The following EPB41L1 variants were observed in gnomAD, a reference collection of about 807,000 sequenced individuals.
EPB41L1 encodes the protein band 4.1-like protein 1.
A neutral mutation model predicts 97.8 loss-of-function variants in EPB41L1; 29 were observed. The ratio of observed to expected loss-of-function variants is 0.30; its 90% CI spans 0.22 to 0.40. The LOEUF is 0.40. EPB41L1 is among the 10% of genes least tolerant of loss of function. The probability of loss-of-function intolerance (pLI) is 1.00; values close to 1 mark genes in which losing one functional copy is unlikely to be tolerated. For missense variants in EPB41L1, 812 were observed against 1,162.3 expected, an observed-to-expected ratio of 0.70 and a Z score of 4.38; for synonymous variants, 383 against 459.2, an observed-to-expected ratio of 0.83 and a Z score of 2.12.
Position 36,209,692 on chromosome 20 carries a change from A to G in EPB41L1, c.1873A>G (p.Ile625Val). The part of the protein sequence containing the change: ...SLEAEVDFTV[I>V]GDYHGSAFED... ...GGAGGCTGAGGTGGACTTCACGGTC[A>G]TTGGTGACTACCATGGCAGCGCCTT... The change falls in exon 15 of 22, where the codon ATT (isoleucine) becomes GTT (valine). Residue 625 changes from isoleucine (I) to valine (V), a missense_variant. Transcript: ENST00000338074. The surrounding 1 kb of genome is among the most constrained non-coding windows in gnomAD (Gnocchi z 4.2). 6.6e-7 allele frequency: 1 copy of G among 1,513,558 alleles called. No individual in the cohort carries two copies. Among genetic ancestry groups the G allele is most frequent in the Non-Finnish European group, 8.9e-7 (1 of 1,118,406 alleles). 93.8% of individuals were successfully genotyped at this position (1,513,558 alleles called of 1,614,324 possible). A position where few individuals can be genotyped will look rare whatever the true frequency, so the allele number is the denominator to read the frequency against.
At position 36,141,803 on chromosome 20, in the gene EPB41L1, C is replaced by T. The variant is rs539931154; in HGVS notation, c.-10+29323C>T. Among the ~76,000 whole-genome samples the T allele has an allele frequency of 3.3e-5, 5 of 152,174 alleles. No homozygotes were observed. In the South Asian group the frequency reaches 1.0e-3, roughly 32 times the overall value. On this transcript the variant is annotated intron_variant, in intron 2 of 19. Coordinates refer to the EPB41L1 transcript ENST00000202028. ...GCTTTTTTCTAGGCATGTACACATA[C>T]ATACATATTTTATAGAAATTGGGGC...
chr20:36,228,876 T>C (rs988826081), intron 21 of EPB41L1, among the ~76,000 whole-genome samples: 4 of 152,100 alleles, frequency 2.6e-5, no homozygotes, highest in Admixed American at 6.5e-5. Flanking sequence ...GAAGAAAAAG[T>C]AAAATGATGA....
At chr20:36,097,315 G>A (rs1158440388) in intron 1 of EPB41L1, among the ~76,000 whole-genome samples, 2 of 152,128 alleles carry the variant, frequency 1.3e-5, no homozygotes, top group Non-Finnish European at 2.9e-5. Flanking sequence ...CTAGCTGGGG[G>A]GACTAGGGCA....
rs1206026484 is a variant in EPB41L1 at position 36,093,851 on chromosome 20, C to T, written c.-65+2239C>T. On this transcript the variant is annotated intron_variant, in intron 1 of 19. Transcript: ENST00000202028. The surrounding 1 kb of genome is among the most constrained non-coding windows in gnomAD (Gnocchi z 5.4). ...GGGACATGTCCCCTCCGGCCTCCCC[C>T]CAGCCCCCCACCAGACCTAGCCTGT... Among the ~76,000 whole-genome samples the T allele has an allele frequency of 6.6e-6, 1 of 152,084 alleles. No individual in the cohort carries two copies. The highest frequency in any genetic ancestry group is 1.5e-5 in the Non-Finnish European group (1 of 67,974).
intron 2 of EPB41L1, among the ~76,000 whole-genome samples, chr20:36,125,231 AG>A: frequency 6.6e-6 from 1 of 152,066 alleles, no homozygotes; most frequent in African/African-American, 2.4e-5. Context: ...GCCCAGAAGG[AG>A]GGGACACAGT....
chr20:36,131,064 C>T (rs1259895503), intron 2 of EPB41L1, among the ~76,000 whole-genome samples: 4 of 151,866 alleles, frequency 2.6e-5, no homozygotes, highest in Admixed American at 6.6e-5. Flanking sequence ...CAGCCTCTGC[C>T]TCCTGGGTTC....
chr20:36,142,866 C>A (rs1274199884), intron 2 of EPB41L1, among the ~76,000 whole-genome samples: 1 of 152,156 alleles, frequency 6.6e-6, no homozygotes, highest in African/African-American at 2.4e-5. Context: ...CTGGGCTCAG[C>A]CTGGTGTGAT....
chr20:36,136,940 C>T lies in EPB41L1; in HGVS notation c.-10+24460C>T, dbSNP rs565059942. Reference sequence around the variant, plus strand: ...TTGTTCTGTTGCCTAGACTGAAGTGCAGTGGCACGATCACTGCAGCCCCAA... The same window carrying T: ...TTGTTCTGTTGCCTAGACTGAAGTGTAGTGGCACGATCACTGCAGCCCCAA... On this transcript the variant is annotated intron_variant, in intron 2 of 19. Coordinates refer to the EPB41L1 transcript ENST00000202028. Among the ~76,000 whole-genome samples, 7 of 152,230 alleles carry T rather than the reference C, an allele frequency of 4.6e-5. No homozygotes were observed. The East Asian group carries it at 9.6e-4, about 21-fold the overall frequency.
intron 14 of EPB41L1, among the ~76,000 whole-genome samples, chr20:36,202,003 G>C (rs1221354602): frequency 6.6e-6 from 1 of 152,180 alleles, no homozygotes; most frequent in Non-Finnish European, 1.5e-5. Context: ...TAAAACATAA[G>C]TCATACTTCT....
intron 8 of EPB41L1, 112 bp downstream of exon 8, chr20:36,187,875 C>A (rs2061751086): frequency 1.2e-6 from 1 of 862,076 alleles, no homozygotes; most frequent in Non-Finnish European, 1.9e-6. Flanking sequence ...CAACTTGAAA[C>A]CTTTTCTGTT....
rs1174005537 is a variant in EPB41L1 at position 36,133,880 on chromosome 20, A to G, written c.-10+21400A>G. Among the ~76,000 whole-genome samples the G allele has an allele frequency of 2.6e-5, 4 of 151,940 alleles. No homozygotes were observed. The South Asian group carries it at 6.2e-4, about 24-fold the overall frequency. ...CAAAAAAAAAAAAAAAAAAGTAACA[A>G]TAATATCCATCATTACTTGATAGCA... On this transcript the variant is annotated intron_variant, in intron 2 of 19. Coordinates refer to the EPB41L1 transcript ENST00000202028.
At chr20:36,118,640 G>A (rs1164892447) in intron 2 of EPB41L1, among the ~76,000 whole-genome samples, 1 of 152,130 alleles carries the variant, frequency 6.6e-6, no homozygotes, top group Non-Finnish European at 1.5e-5. Context: ...ACATTTTATG[G>A]CGTATGAATT....
At chr20:36,176,428 C>T (rs952824289) in intron 3 of EPB41L1, among the ~76,000 whole-genome samples, 3 of 152,178 alleles carry the variant, frequency 2.0e-5, no homozygotes, top group African/African-American at 7.2e-5. Flanking sequence ...GCCGAGGCAG[C>T]ATTCGTGGCC....
chr20:36,182,143 G>C, intron 5 of EPB41L1, 129 bp from the exon 6 acceptor site: 3 of 814,020 alleles, frequency 3.7e-6, no homozygotes, highest in Non-Finnish European at 6.3e-6. Flanking sequence ...TAATGTTCCA[G>C]CCTTCCTGAT....
At chr20:36,204,567 C>T (rs965906056) in intron 14 of EPB41L1, among the ~76,000 whole-genome samples, 2 of 150,774 alleles carry the variant, frequency 1.3e-5, no homozygotes, top group Non-Finnish European at 2.9e-5. Context: ...TCACCGCAAC[C>T]TCTGCCCCGC....
chr20:36,145,595 A>C (rs2059803509), intron 2 of EPB41L1, among the ~76,000 whole-genome samples: 1 of 152,010 alleles, frequency 6.6e-6, no homozygotes, highest in Non-Finnish European at 1.5e-5. Context: ...ACCAGGAGCA[A>C]ATTAATTTTC....
At chr20:36,176,234 C>G (rs2061222436) in intron 3 of EPB41L1, among the ~76,000 whole-genome samples, 1 of 152,220 alleles carries the variant, frequency 6.6e-6, no homozygotes, top group Admixed American at 6.5e-5. Flanking sequence ...AGATGTCACC[C>G]AGGCCATGTA....
intron 1 of EPB41L1, chr20:36,091,688 ATCTTCCC>A (rs1208503343): frequency 2.0e-5 from 3 of 152,214 alleles, no homozygotes; most frequent in Non-Finnish European, 4.4e-5. Flanking sequence ...TGACATTTGC[ATCTTCCC>A]TGTTTCTTCC....
In EPB41L1 at chr20:36,146,926, C is replaced by T. The variant is rs543377028; in HGVS notation, c.-9-28625C>T. Among the ~76,000 whole-genome samples, 10 of 151,866 alleles carry T rather than the reference C, an allele frequency of 6.6e-5. No individual in the cohort carries two copies. The South Asian group carries it at 8.4e-4, about 13-fold the overall frequency. ...CTGTGGGAGGCCAAGGTGAGTAGAACACTTGAGCTCAGGAGTTTGAGACCA... is the reference window on the plus strand; with the variant it reads ...CTGTGGGAGGCCAAGGTGAGTAGAATACTTGAGCTCAGGAGTTTGAGACCA... On this transcript the variant is annotated intron_variant, in intron 2 of 19. Transcript: ENST00000202028.
Sources: gnomAD v4.1 joint callset for allele counts (sites outside exome capture counted in the v4.1 genomes callset) on GRCh38, gnomAD v4.1.1 for gene constraint, Gnocchi (gnomAD v3.1) non-coding constraint, MANE v1.5 for transcripts, NCBI Gene and HGNC (gene_info 2026-07-23, HGNC 2026-07-21) for gene names.